Variants in GGA2 observed in about 807,000 individuals in gnomAD.
GGA2 encodes ADP-ribosylation factor-binding protein GGA2.
A neutral mutation model predicts 79.5 loss-of-function variants in GGA2; 48 were observed. That is an observed-to-expected ratio of 0.60 (90% CI 0.48 to 0.77). The LOEUF (loss-of-function observed/expected upper bound fraction) is 0.77, where lower values mean the gene tolerates loss of function less well. GGA2 is among the 30% of genes least tolerant of loss of function. GGA2 has a pLI of 0.00. For synonymous variants in GGA2, 317 were observed against 302.0 expected (o/e 1.05, Z -0.51); for missense variants, 770 against 774.0 (o/e 0.99, Z 0.06).
intron 1 of GGA2, among the ~76,000 whole-genome samples, chr16:23,498,966 A>C (rs1266164638): frequency 6.6e-6 from 1 of 152,200 alleles, no homozygotes; most frequent in Non-Finnish European, 1.5e-5. Flanking sequence ...TGACTTCAGC[A>C]TGTGACTGGA....
intron 1 of GGA2, among the ~76,000 whole-genome samples, chr16:23,508,889 T>C (rs948865368): frequency 6.6e-6 from 1 of 152,124 alleles, no homozygotes; most frequent in Non-Finnish European, 1.5e-5. Context: ...AACCCACCAG[T>C]TCCTCGAGCC....
At chr16:23,503,615 T>G (rs1740484852) in intron 1 of GGA2, among the ~76,000 whole-genome samples, 1 of 152,252 alleles carries the variant, frequency 6.6e-6, no homozygotes, top group Admixed American at 6.5e-5. Context: ...CATTGTTAAA[T>G]TTTTAAATTT....
intron 13 of GGA2, among the ~76,000 whole-genome samples, chr16:23,476,291 G>A (rs1964576148): frequency 6.6e-6 from 1 of 152,168 alleles, no homozygotes; most frequent in South Asian, 2.1e-4. Context: ...TGAACTCCCA[G>A]GACATCCCAC....
At chr16:23,506,215 A>G (rs1177644247) in intron 1 of GGA2, among the ~76,000 whole-genome samples, 1 of 152,140 alleles carries the variant, frequency 6.6e-6, no homozygotes, top group African/African-American at 2.4e-5. Context: ...GCTCAGACCC[A>G]TGAGCTTTTG....
At position 23,499,866 on chromosome 16, in the gene GGA2, G is replaced by A. The variant is rs547497138; in HGVS notation, c.92-4088C>T. Among the ~76,000 whole-genome samples, 23 of 152,346 alleles carry A rather than the reference G, an allele frequency of 1.5e-4. No individual in the cohort carries two copies. The South Asian group carries it at 4.8e-3, about 32-fold the overall frequency. The stretch of plus-strand genomic sequence containing the variant: ...GCAGCCAGCAATGAATGAAAGGTAG[G>A]GGTGGGGCCGCTGGCAGGGCGGGGC... On this transcript the variant is annotated intron_variant, in intron 1 of 16. Coordinates refer to ENST00000309859, the MANE Select transcript of GGA2 (RefSeq NM_015044.4).
At chr16:23,483,575 C>G (rs1456895499) in intron 8 of GGA2, among the ~76,000 whole-genome samples, 1 of 152,122 alleles carries the variant, frequency 6.6e-6, no homozygotes, top group Non-Finnish European at 1.5e-5. Flanking sequence ...GAACAGAGTT[C>G]CAAGGGAGAC....
intron 1 of GGA2, among the ~76,000 whole-genome samples, 174 bp downstream of exon 1, chr16:23,510,147 G>A (rs1398098427): frequency 6.6e-6 from 1 of 151,670 alleles, no homozygotes; most frequent in African/African-American, 2.4e-5. Flanking sequence ...GGATGCTTGG[G>A]GCTCCTCTCG....
intron 4 of GGA2, among the ~76,000 whole-genome samples, chr16:23,492,083 GAATAT>G (rs988632676): frequency 6.6e-6 from 1 of 152,182 alleles, no homozygotes; most frequent in African/African-American, 2.4e-5. Flanking sequence ...CCTTGGACAA[GAATAT>G]AATAATAAAA....
Position 23,470,104 on chromosome 16 carries a change from G to GGAGAA in GGA2, c.1507_1511dup (p.Gln505SerfsTer17). The GGAGAA allele has an allele frequency of 6.2e-7, 1 of 1,610,574 alleles. No individual in the cohort carries two copies. Among genetic ancestry groups the GGAGAA allele is most frequent in the Non-Finnish European group, 8.5e-7 (1 of 1,178,502 alleles). The stretch of plus-strand genomic sequence containing the variant: ...CTGGGTGCCCAGGGGCTCCCGTCTG[G>GGAGAA]GAGAAGTGGAGCAGAATTCTGAATC... On this transcript the variant is annotated frameshift_variant, in exon 15 of 17. Coordinates refer to ENST00000309859, the MANE Select transcript of GGA2 (RefSeq NM_015044.4). LOFTEE classifies it high-confidence loss of function.
chr16:23,488,220 G>A (rs780664680), intron 6 of GGA2, among the ~76,000 whole-genome samples: 10 of 151,870 alleles, frequency 6.6e-5, no homozygotes, highest in Non-Finnish European at 8.8e-5. Context: ...ACTCCCCACG[G>A]GCTATCCTTC....
At position 23,479,053 on chromosome 16, in the gene GGA2, A is replaced by G. The variant is rs184171320; in HGVS notation, c.1130-142T>C. ...TTACTGAAGGTCATGTGACTCGTCC[A>G]TGGCCAATCTGTGACTAATATGCAA... On this transcript the variant is annotated intron_variant, in intron 11 of 16. Transcript: ENST00000309859. The G allele has an allele frequency of 1.5e-5, 10 of 678,588 alleles. No individual in the cohort carries two copies. The East Asian group carries it at 2.1e-4, about 14-fold the overall frequency. The allele number at this position is 678,588 out of a possible 1,614,324, so 42.0% of individuals were successfully genotyped here. A position where few individuals can be genotyped will look rare whatever the true frequency, so the allele number is the denominator to read the frequency against.
chr16:23,499,271 A>G (rs553822918), intron 1 of GGA2, among the ~76,000 whole-genome samples: 20 of 151,844 alleles, frequency 1.3e-4, no homozygotes, highest in African/African-American at 4.8e-4. Flanking sequence ...CAGCCTCTAG[A>G]GTAGCTAGGA....
intron 13 of GGA2, among the ~76,000 whole-genome samples, chr16:23,477,187 A>C (rs1964586041): frequency 6.6e-6 from 1 of 152,156 alleles, no homozygotes; most frequent in African/African-American, 2.4e-5. Flanking sequence ...CCAGGGCTCA[A>C]GCGATCCACC....
upstream of GGA2, among the ~76,000 whole-genome samples, chr16:23,514,362 C>A (rs1326742137): frequency 6.6e-6 from 1 of 152,164 alleles, no homozygotes; most frequent in Non-Finnish European, 1.5e-5. Flanking sequence ...CCCACCTCAG[C>A]CTTCCAAAAT....
chr16:23,510,309 C>G lies in GGA2; in HGVS notation c.91+12G>C, dbSNP rs1230314432. 2 of 1,422,676 alleles carry G rather than the reference C, an allele frequency of 1.4e-6. No homozygotes were observed. Among genetic ancestry groups the G allele is most frequent in the South Asian group, 2.7e-5 (2 of 73,314 alleles). 88.1% of individuals were successfully genotyped at this position (1,422,676 alleles called of 1,614,324 possible). A position where few individuals can be genotyped will look rare whatever the true frequency, so the allele number is the denominator to read the frequency against. On this transcript the variant is annotated intron_variant, in intron 1 of 16. Transcript: ENST00000309859. ...CGCAGCGGCTGCGCCGAAGGCCTGC[C>G]AGGCTACTCACTGAGCCACAGCTCC...
Position 23,470,009 on chromosome 16 carries a change from A to G in GGA2, c.1607T>C (p.Val536Ala), listed in dbSNP as rs760596835. The G allele has an allele frequency of 6.4e-7, 1 of 1,555,368 alleles. No homozygotes were observed. Among genetic ancestry groups the G allele is most frequent in the African/African-American group, 1.4e-5 (1 of 72,686 alleles). Residue 536 changes from valine (V) to alanine (A), a missense_variant, in exon 15 of 17, where the codon GTG becomes GCG. Coordinates refer to ENST00000309859, the MANE Select transcript of GGA2 (RefSeq NM_015044.4). ...CAGATGACTCACCTTTGGCACAGCC[A>G]CTTGAAACATGATATCCCAGACAGG... is the stretch of plus-strand genomic sequence containing the variant. ...PQPVWDIMFQ[V>A]AVPKSMRVKL...
At chr16:23,476,005 G>A (rs917405526) in intron 13 of GGA2, among the ~76,000 whole-genome samples, 1 of 152,152 alleles carries the variant, frequency 6.6e-6, no homozygotes, top group Non-Finnish European at 1.5e-5. Context: ...TAGAGCCTTT[G>A]TTATGAAGGT....
chr16:23,498,790 C>A (rs1445396089), intron 1 of GGA2, among the ~76,000 whole-genome samples: 1 of 152,182 alleles, frequency 6.6e-6, no homozygotes. Context: ...GAAGCCATAT[C>A]TTCCCTACAG....
rs1471915131 is a variant in GGA2, at chr16:23,479,881, T to C, written c.1013A>G (p.Gln338Arg). 1 of 1,613,916 alleles carries C rather than the reference T, an allele frequency of 6.2e-7. No individual in the cohort carries two copies. The highest frequency in any genetic ancestry group is 2.2e-5 in the East Asian group (1 of 44,896). Reference protein sequence around the residue: ...LGDIPVSRVFQNPAGCMKTCP... With the variant: ...LGDIPVSRVFRNPAGCMKTCP... ...GGTCTTCATGCAGCCTGCTGGATTC[T>C]GAAAGACTAGAAAGCCCAGGGTTAG... Residue 338 changes from glutamine (Q) to arginine (R), a missense_variant, in exon 11 of 17, where the codon CAG (glutamine) becomes CGG (arginine). Transcript: ENST00000309859.
Sources: allele counts gnomAD v4.1 joint callset (sites outside exome capture counted in the v4.1 genomes callset), GRCh38; gene constraint gnomAD v4.1.1; transcripts MANE v1.5; gene names NCBI Gene and HGNC (gene_info 2026-07-23, HGNC 2026-07-21).